The following RSF1 variants were observed in gnomAD, a reference collection of about 807,000 sequenced individuals.
RSF1 encodes remodeling and spacing factor 1, also known as HBV pX-associated protein 8.
RSF1 carries 13 observed loss-of-function variants against 145.2 expected under a neutral mutation model. The observed-to-expected ratio is 0.09, with a 90% confidence interval of 0.06 to 0.14. The LOEUF (loss-of-function observed/expected upper bound fraction) is 0.14, where lower values mean the gene tolerates loss of function less well. Ranked by LOEUF, RSF1 falls within the 10% of genes least tolerant of loss-of-function variation. The probability of loss-of-function intolerance (pLI) is 1.00; values close to 1 mark genes in which losing one functional copy is unlikely to be tolerated. For missense variants in RSF1, 1,517 were observed against 1,718.2 expected, an observed-to-expected ratio of 0.88 and a Z score of 2.07; for synonymous variants, 577 against 592.6, an observed-to-expected ratio of 0.97 and a Z score of 0.38.
chr11:77,799,665 TG>T (rs1194117861), intron 1 of RSF1, among the ~76,000 whole-genome samples: 8 of 152,148 alleles, frequency 5.3e-5, no homozygotes, highest in Non-Finnish European at 8.8e-5. Context: ...CCTGTCTCTA[TG>T]AATTTGCCTA....
rs776161414 is a variant in RSF1, at chr11:77,701,051, A to T, written c.2178T>A (p.Ser726=). Reference sequence around the variant, plus strand: ...ATTTGATGCCCTCTTTCTGCCTTTCAGAGGTTATCTCTGTATTTTCTGAGG... The same window carrying T: ...ATTTGATGCCCTCTTTCTGCCTTTCTGAGGTTATCTCTGTATTTTCTGAGG... ...TTASENTEIT[S]ERQKEGIKLT... The change falls in exon 6 of 16, where the codon TCT becomes TCA. Residue 726 remains serine (S), a synonymous_variant. Transcript: ENST00000308488. 6.2e-7 allele frequency: 1 copy of T among 1,613,754 alleles called. No homozygotes were observed. Among genetic ancestry groups the T allele is most frequent in the South Asian group, 1.1e-5 (1 of 91,070 alleles).
intron 15 of RSF1, among the ~76,000 whole-genome samples, chr11:77,668,164 T>C (rs1288713393): frequency 6.6e-6 from 1 of 151,490 alleles, no homozygotes. Context: ...CACACCCAGC[T>C]AATTTCTTTG....
At chr11:77,726,908 T>TTC (rs528319152) in intron 4 of RSF1, among the ~76,000 whole-genome samples, 120 of 152,326 alleles carry the variant, frequency 7.9e-4, no homozygotes, top group African/African-American at 2.8e-3. Context: ...GGCCTCAGCT[T>TTC]TCTTATTTAT....
chr11:77,740,811 T>C lies in RSF1; in HGVS notation c.498A>G (p.Gln166=), dbSNP rs746396143. The C allele has an allele frequency of 8.7e-6, 14 of 1,614,058 alleles. No individual in the cohort carries two copies. In the East Asian group the frequency reaches 2.0e-4, roughly 23 times the overall value. The change falls in exon 4 of 16, where the codon CAA becomes CAG. Residue 166 remains glutamine (Q), a synonymous_variant. Coordinates refer to ENST00000308488, the MANE Select transcript of RSF1 (RefSeq NM_016578.4). ...TTCTGACATTGTGATCTTGATCCAA[T>C]TGGTACCAGTACATGAGGCCATCTT... ...RDKDGLMYWY[Q]LDQDHNVRMY...
chr11:77,783,106 T>C (rs1232476595), intron 1 of RSF1, among the ~76,000 whole-genome samples: 1 of 152,230 alleles, frequency 6.6e-6, no homozygotes, highest in African/African-American at 2.4e-5. Context: ...AAACAAAGCA[T>C]CTTTAACTCA....
the RSF1 span, among the ~76,000 whole-genome samples, chr11:77,832,196 C>A: frequency 6.6e-6 from 1 of 152,024 alleles, no homozygotes; most frequent in African/African-American, 2.4e-5. Context: ...ACTGTACTTA[C>A]AATTATAGGT....
intron 9 of RSF1, among the ~76,000 whole-genome samples, chr11:77,687,188 C>T (rs919256812): frequency 5.3e-5 from 8 of 152,140 alleles, no homozygotes; most frequent in Non-Finnish European, 1.0e-4. Flanking sequence ...CACACACACA[C>T]ATACTTGTAT....
chr11:77,836,073 ATGT>A, the RSF1 span, among the ~76,000 whole-genome samples: 1 of 152,156 alleles, frequency 6.6e-6, no homozygotes, highest in Non-Finnish European at 1.5e-5. Context: ...TCCAATCTTG[ATGT>A]TGTTGAGATA....
upstream of RSF1, among the ~76,000 whole-genome samples, chr11:77,823,231 A>AAG (rs1555004899): frequency 1.7e-4 from 26 of 151,040 alleles, no homozygotes; most frequent in Non-Finnish European, 2.5e-4. Context: ...AAAAAAAAAA[A>AAG]AAAGAAATTA....
intron 1 of RSF1, among the ~76,000 whole-genome samples, chr11:77,774,794 C>G (rs1009696506): frequency 6.7e-6 from 1 of 148,938 alleles, no homozygotes; most frequent in Non-Finnish European, 1.5e-5. Context: ...GAGACGGACT[C>G]TTGCACTGTC....
intron 4 of RSF1, among the ~76,000 whole-genome samples, chr11:77,727,634 G>A (rs980206957): frequency 6.6e-6 from 1 of 151,694 alleles, no homozygotes; most frequent in Non-Finnish European, 1.5e-5. Flanking sequence ...CCATCACCAC[G>A]CCTGGCTAAT....
At chr11:77,842,569 G>A in the RSF1 span, 32 of 1,614,020 alleles carry the variant, frequency 2.0e-5, no homozygotes, top group Non-Finnish European at 2.7e-5. Flanking sequence ...AACCTATAAG[G>A]ACTGCAAAGT....
chr11:77,841,148 T>C, the RSF1 span: 1 of 699,054 alleles, frequency 1.4e-6, no homozygotes. Flanking sequence ...CCTTTTATAA[T>C]GAACCTACTA....
At chr11:77,860,705 A>G in the RSF1 span, among the ~76,000 whole-genome samples, 1 of 152,150 alleles carries the variant, frequency 6.6e-6, no homozygotes, top group Non-Finnish European at 1.5e-5. Context: ...GTGAATTGAG[A>G]CATTGGGTTT....
intron 2 of RSF1, among the ~76,000 whole-genome samples, chr11:77,759,291 A>C (rs1292503337): frequency 2.6e-5 from 4 of 152,230 alleles, no homozygotes; most frequent in Non-Finnish European, 5.9e-5. Context: ...CAGGAGGATC[A>C]CTTGAGCCCA....
chr11:77,832,580 C>A, the RSF1 span, among the ~76,000 whole-genome samples: 24 of 152,196 alleles, frequency 1.6e-4, no homozygotes, highest in Middle Eastern at 6.8e-3. Flanking sequence ...CCCGCCTCAG[C>A]CTCCCAAAGT....
intron 15 of RSF1, among the ~76,000 whole-genome samples, chr11:77,671,318 T>C (rs986613406): frequency 2.5e-4 from 37 of 150,198 alleles, no homozygotes; most frequent in Admixed American, 1.3e-3. Context: ...TTATAGCTAT[T>C]AGGAAATAAT....
chr11:77,772,168 TG>T (rs1453490766), intron 1 of RSF1, among the ~76,000 whole-genome samples: 1 of 152,166 alleles, frequency 6.6e-6, no homozygotes, highest in African/African-American at 2.4e-5. Context: ...TTGTACATTT[TG>T]TTTCTGACAC....
chr11:77,841,798 C>T, the RSF1 span, among the ~76,000 whole-genome samples: 2 of 152,186 alleles, frequency 1.3e-5, no homozygotes, highest in African/African-American at 4.8e-5. Context: ...CAATCCATAG[C>T]TTGCCTCAAA....
Sources: allele counts gnomAD v4.1 joint callset (sites outside exome capture counted in the v4.1 genomes callset), GRCh38; gene constraint gnomAD v4.1.1; transcripts MANE v1.5; gene names NCBI Gene and HGNC (gene_info 2026-07-23, HGNC 2026-07-21).